The following PTPRD variants were observed in gnomAD, a reference collection of about 807,000 sequenced individuals.
PTPRD encodes the protein protein tyrosine phosphatase receptor type D.
A neutral mutation model predicts 214.5 loss-of-function variants in PTPRD; 34 were observed. The ratio of observed to expected loss-of-function variants is 0.16; its 90% CI spans 0.12 to 0.21. The LOEUF (loss-of-function observed/expected upper bound fraction) is 0.21, where lower values mean the gene tolerates loss of function less well. PTPRD is among the 10% of genes least tolerant of loss of function. The pLI is 1.00. For missense variants in PTPRD, 2,545 were observed against 2,398.7 expected (o/e 1.06, Z -1.27); for synonymous variants, 1,128 against 845.7 (o/e 1.33, Z -5.79).
At chr9:9,822,648 T>C (rs2051195842) in intron 5 of PTPRD, among the ~76,000 whole-genome samples, 1 of 151,840 alleles carries the variant, frequency 6.6e-6, no homozygotes. Flanking sequence ...TTAAATATTT[T>C]TAAACTTACA....
chr9:9,785,065 T>C (rs2098910803), intron 5 of PTPRD, among the ~76,000 whole-genome samples: 1 of 151,108 alleles, frequency 6.6e-6, no homozygotes, highest in African/African-American at 2.4e-5. Flanking sequence ...TTAGAAAGAA[T>C]GAAAGAAAAG....
chr9:10,496,140 T>A (rs10114527), intron 2 of PTPRD, among the ~76,000 whole-genome samples: 103,940 of 151,570 alleles, frequency 0.69, 37,306 homozygotes, highest in Middle Eastern at 0.84. Context: ...AAACAGCCTT[T>A]GTTTAATTAT....
At chr9:9,242,345 G>A (rs1024639605) in intron 9 of PTPRD, among the ~76,000 whole-genome samples, 1 of 152,182 alleles carries the variant, frequency 6.6e-6, no homozygotes, top group East Asian at 1.9e-4. Context: ...TTCTCAAGGA[G>A]TATCTTTGTG....
intron 2 of PTPRD, among the ~76,000 whole-genome samples, chr9:10,490,143 T>C (rs917316900): frequency 6.6e-6 from 1 of 152,166 alleles, no homozygotes; most frequent in Admixed American, 6.5e-5. Flanking sequence ...AAGTGATCAA[T>C]CCACTAGGGA....
At chr9:8,713,726 G>T in intron 12 of PTPRD, 2 of 1,505,554 alleles carry the variant, frequency 1.3e-6, no homozygotes, top group Non-Finnish European at 1.8e-6. Flanking sequence ...AAGTGACGCC[G>T]GCAGGCTGTC....
chr9:9,638,229 G>T (rs1319176023), intron 7 of PTPRD, among the ~76,000 whole-genome samples: 1 of 151,924 alleles, frequency 6.6e-6, no homozygotes, highest in African/African-American at 2.4e-5. Flanking sequence ...ATTATGAATT[G>T]CATCTTGAAA....
chr9:9,966,150 T>C (rs1190732861), intron 4 of PTPRD, among the ~76,000 whole-genome samples: 3 of 152,132 alleles, frequency 2.0e-5, no homozygotes, highest in Non-Finnish European at 4.4e-5. Flanking sequence ...AAGGAGACCA[T>C]CCTAAATTGG....
rs544430217 is a variant in PTPRD, at chr9:9,823,342, C to T, written c.-367-56491G>A. 5.9e-5 allele frequency among the ~76,000 whole-genome samples: 9 copies of T among 151,916 alleles called. No homozygotes were observed. The South Asian group carries it at 1.0e-3, about 18-fold the overall frequency. ...AGGAGCAAGAGAGAAAGAGTGAGGG[C>T]GGAGATGACACGTACTTTTAAATGA... On this transcript the variant is annotated intron_variant, in intron 5 of 45. Transcript: ENST00000381196.
chr9:9,664,189 T>A, intron 7 of PTPRD, among the ~76,000 whole-genome samples: 1 of 150,766 alleles, frequency 6.6e-6, no homozygotes, highest in East Asian at 1.9e-4. Flanking sequence ...AAATTAAAAT[T>A]AAAAAAATAA....
intron 11 of PTPRD, among the ~76,000 whole-genome samples, chr9:8,752,104 C>A (rs952152903): frequency 1.7e-4 from 26 of 152,156 alleles, no homozygotes; most frequent in Non-Finnish European, 7.3e-5. Context: ...ACCAGAGCAA[C>A]TTTATCTTGA....
At chr9:9,011,649 G>A (rs1159504750) in intron 11 of PTPRD, among the ~76,000 whole-genome samples, 2 of 152,124 alleles carry the variant, frequency 1.3e-5, no homozygotes, top group South Asian at 2.1e-4. Flanking sequence ...TACTTCAGTG[G>A]TACTTTAGTA....
At chr9:8,887,636 T>C (rs1024069546) in intron 11 of PTPRD, among the ~76,000 whole-genome samples, 1 of 152,200 alleles carries the variant, frequency 6.6e-6, no homozygotes, top group Admixed American at 6.5e-5. Context: ...TCTAAAGCTC[T>C]TGAAGTTTTG....
chr9:8,840,829 G>C (rs909369481), intron 11 of PTPRD, among the ~76,000 whole-genome samples: 3 of 152,062 alleles, frequency 2.0e-5, no homozygotes, highest in African/African-American at 7.2e-5. Flanking sequence ...CAAGGTTTTG[G>C]CACCAATTCT....
chr9:8,665,313 TC>T (rs910046095), intron 12 of PTPRD, among the ~76,000 whole-genome samples: 3 of 152,206 alleles, frequency 2.0e-5, no homozygotes, highest in African/African-American at 7.2e-5. Flanking sequence ...AGGCAGCCCT[TC>T]CCCTCTGTAG....
At chr9:9,184,126 C>T (rs192579252) in intron 9 of PTPRD, among the ~76,000 whole-genome samples, 215 of 152,094 alleles carry the variant, frequency 1.4e-3, no homozygotes, top group Non-Finnish European at 1.6e-3. Flanking sequence ...GCAAAGTTGT[C>T]ATCTCATGGG....
rs16927953 is a variant in PTPRD at position 8,470,855 on chromosome 9, A to T, written c.3504+140T>A. 2.1e-3 allele frequency: 1,469 copies of T among 695,290 alleles called. 20 individuals carry two copies. The African/African-American group carries it at 0.023, about 11-fold the overall frequency. 43.1% of individuals were successfully genotyped at this position (695,290 alleles called of 1,614,324 possible). A position where few individuals can be genotyped will look rare whatever the true frequency, so the allele number is the denominator to read the frequency against. ...GGGATCCCCAGGGGTTAGCATGCCC[A>T]TAGCACTGAACCATCCAACCAGCTA... On this transcript the variant is annotated intron_variant, in intron 31 of 45. Transcript: ENST00000381196.
chr9:8,834,479 C>G (rs1372563857), intron 11 of PTPRD, among the ~76,000 whole-genome samples: 1 of 152,106 alleles, frequency 6.6e-6, no homozygotes, highest in South Asian at 2.1e-4. Flanking sequence ...CTTGTTCACA[C>G]ATTTAATTCC....
At chr9:9,222,525 G>T (rs1489371986) in intron 9 of PTPRD, among the ~76,000 whole-genome samples, 1 of 151,828 alleles carries the variant, frequency 6.6e-6, no homozygotes, top group African/African-American at 2.4e-5. Context: ...TTAATATTTT[G>T]GCATAGTTCT....
chr9:8,399,448 C>T (rs2091972445), intron 36 of PTPRD, among the ~76,000 whole-genome samples: 1 of 152,078 alleles, frequency 6.6e-6, no homozygotes, highest in Admixed American at 6.6e-5. Flanking sequence ...ATGTTAACTG[C>T]ATTAAGTGAA....
Sources: allele counts gnomAD v4.1 joint callset (sites outside exome capture counted in the v4.1 genomes callset), GRCh38; gene constraint gnomAD v4.1.1; transcripts MANE v1.5; gene names NCBI Gene and HGNC (gene_info 2026-07-23, HGNC 2026-07-21).